Variants in RAB38 observed in about 807,000 individuals in gnomAD.
The protein encoded by RAB38 is RAB38, member RAS oncogene family.
Under a neutral mutation model 18.4 loss-of-function variants are expected in RAB38, and 15 were observed. The ratio of observed to expected loss-of-function variants is 0.82; its 90% CI spans 0.55 to 1.26. RAB38 has a LOEUF of 1.26. RAB38 is among the 50% of genes most tolerant of loss of function. The pLI, the probability that RAB38 is intolerant of heterozygous loss-of-function variation, is 0.00. For synonymous variants in RAB38, 101 were observed against 104.4 expected, an observed-to-expected ratio of 0.97 and a Z score of 0.20; for missense variants, 294 against 267.4, an observed-to-expected ratio of 1.10 and a Z score of -0.69.
chr11:87,874,372 C>T, the RAB38 span, among the ~76,000 whole-genome samples: 7 of 151,008 alleles, frequency 4.6e-5, no homozygotes, highest in East Asian at 7.9e-4. Flanking sequence ...TATAAAGCAC[C>T]GAAACAATTC....
chr11:88,098,416 T>C, the RAB38 span, among the ~76,000 whole-genome samples: 1 of 151,954 alleles, frequency 6.6e-6, no homozygotes, highest in Non-Finnish European at 1.5e-5. Context: ...GTAATGTAAG[T>C]AGAATGCCCA....
At chr11:87,846,957 C>G in the RAB38 span, among the ~76,000 whole-genome samples, 2 of 151,920 alleles carry the variant, frequency 1.3e-5, no homozygotes, top group Admixed American at 1.3e-4. Flanking sequence ...ACAAGAAAAT[C>G]TATAGAATAT....
the RAB38 span, among the ~76,000 whole-genome samples, chr11:87,927,482 T>G: frequency 6.6e-6 from 1 of 151,962 alleles, no homozygotes; most frequent in African/African-American, 2.4e-5. Flanking sequence ...TCTCCTTTGT[T>G]AAATTGCCAA....
the RAB38 span, among the ~76,000 whole-genome samples, chr11:87,974,216 G>A: frequency 6.6e-6 from 1 of 151,450 alleles, no homozygotes; most frequent in Non-Finnish European, 1.5e-5. Context: ...ATGTAAGTAT[G>A]TTCTCAAGTA....
chr11:88,104,342 T>G, the RAB38 span, among the ~76,000 whole-genome samples: 2 of 152,094 alleles, frequency 1.3e-5, no homozygotes, highest in African/African-American at 4.8e-5. Flanking sequence ...GAAACTTAAC[T>G]GATGTTTACA....
the RAB38 span, among the ~76,000 whole-genome samples, chr11:87,892,663 A>G: frequency 6.6e-6 from 1 of 151,770 alleles, no homozygotes; most frequent in Non-Finnish European, 1.5e-5. Context: ...CACCTGAGGA[A>G]TTGATTTTTG....
the RAB38 span, chr11:87,879,948 C>T: frequency 2.0e-5 from 3 of 151,580 alleles, no homozygotes; most frequent in East Asian, 5.9e-4. Context: ...TATCAAAGCA[C>T]TCATCTTCAT....
chr11:87,825,010 G>C, the RAB38 span, among the ~76,000 whole-genome samples: 1 of 151,912 alleles, frequency 6.6e-6, no homozygotes, highest in Non-Finnish European at 1.5e-5. Context: ...GTGTGTGTGT[G>C]TATGTGTGTG....
chr11:88,167,865 G>A (rs184474929), intron 1 of RAB38, among the ~76,000 whole-genome samples: 3 of 152,136 alleles, frequency 2.0e-5, no homozygotes, highest in Non-Finnish European at 4.4e-5. Context: ...GAATAAACCT[G>A]ATTCCTACCC....
chr11:88,032,018 G>T, the RAB38 span, among the ~76,000 whole-genome samples: 3,188 of 150,694 alleles, frequency 0.021, 96 homozygotes, highest in African/African-American at 0.072. Context: ...CATGGTACTG[G>T]TACCAAAACA....
chr11:87,844,438 G>C, the RAB38 span, among the ~76,000 whole-genome samples: 13 of 152,062 alleles, frequency 8.5e-5, no homozygotes, highest in African/African-American at 3.1e-4. Flanking sequence ...TATGACAGAG[G>C]AATCATTTTT....
chr11:88,052,903 T>TAG, the RAB38 span, among the ~76,000 whole-genome samples: 3 of 10,906 alleles, frequency 2.8e-4, no homozygotes, highest in Admixed American at 4.1e-3. Context: ...AAAAATTTCA[T>TAG]ATATATATAT....
chr11:88,076,984 G>GAAAGAA, the RAB38 span, among the ~76,000 whole-genome samples: 1 of 63,672 alleles, frequency 1.6e-5, no homozygotes, highest in Non-Finnish European at 2.7e-5. Context: ...AAGAAAGAAA[G>GAAAGAA]AAAGAAAAGA....
the RAB38 span, among the ~76,000 whole-genome samples, chr11:88,040,665 G>T: frequency 3.3e-4 from 50 of 152,022 alleles, no homozygotes; most frequent in Admixed American, 1.6e-3. Context: ...ACTGCACCAC[G>T]GTACTCCAGC....
chr11:87,861,751 T>C, the RAB38 span, among the ~76,000 whole-genome samples: 4,902 of 151,974 alleles, frequency 0.032, 246 homozygotes, highest in African/African-American at 0.11. Context: ...AAAATTTCAA[T>C]GGGAAATCAT....
the RAB38 span, among the ~76,000 whole-genome samples, chr11:88,080,107 G>A: frequency 1.3e-5 from 2 of 151,658 alleles, no homozygotes; most frequent in Non-Finnish European, 3.0e-5. Context: ...AAAACTGTCT[G>A]TATCAGCTGA....
At position 88,113,330 on chromosome 11, in the gene RAB38, AGAGGAGCCC is replaced by A. The variant is rs1942498965; in HGVS notation, c.*649_*657del. On this transcript the variant is annotated 3_prime_UTR_variant, in exon 3 of 3. Coordinates refer to ENST00000243662, the MANE Select transcript of RAB38 (RefSeq NM_022337.3). Reference sequence around the variant, plus strand: ...TATATATTACATGTATAGCATGTATAGAGGAGCCCCACAGCTTGAGTCAGAGAAAGCTAA... The same window carrying A: ...TATATATTACATGTATAGCATGTATACACAGCTTGAGTCAGAGAAAGCTAA... 1 of 152,822 alleles carries A rather than the reference AGAGGAGCCC, an allele frequency of 6.5e-6. No individual in the cohort carries two copies. Among genetic ancestry groups the A allele is most frequent in the South Asian group, 2.1e-4 (1 of 4,830 alleles). The allele number at this position is 152,822 out of a possible 1,614,324, so 9.5% of individuals were successfully genotyped here.
chr11:88,008,282 ATATAT>A, the RAB38 span, among the ~76,000 whole-genome samples: 1 of 152,184 alleles, frequency 6.6e-6, no homozygotes, highest in Non-Finnish European at 1.5e-5. Context: ...AGAAAATTAA[ATATAT>A]TATAGCTAAA....
the RAB38 span, among the ~76,000 whole-genome samples, chr11:88,028,249 CA>C: frequency 6.6e-6 from 1 of 152,048 alleles, no homozygotes; most frequent in Non-Finnish European, 1.5e-5. Flanking sequence ...AATCAAAGAC[CA>C]AAAGTAGATA....
Sources: allele counts gnomAD v4.1 joint callset (sites outside exome capture counted in the v4.1 genomes callset), GRCh38; gene constraint gnomAD v4.1.1; transcripts MANE v1.5; gene names NCBI Gene and HGNC (gene_info 2026-07-23, HGNC 2026-07-21).